Variants in CNTNAP4 observed in about 807,000 individuals in gnomAD.
CNTNAP4 encodes contactin associated protein family member 4, also known as contactin-associated protein-like 4.
CNTNAP4 carries 98 observed loss-of-function variants against 148.4 expected under a neutral mutation model. The observed-to-expected ratio is 0.66, with a 90% CI of 0.56 to 0.78. The LOEUF (loss-of-function observed/expected upper bound fraction) is 0.78. CNTNAP4 is among the 30% of genes least tolerant of loss of function. CNTNAP4 has a pLI of 0.00. For missense variants in CNTNAP4, 1,935 were observed against 1,565.6 expected (o/e 1.24, Z -3.98); for synonymous variants, 730 against 565.1 (o/e 1.29, Z -4.14).
intron 2 of CNTNAP4, among the ~76,000 whole-genome samples, chr16:76,318,770 A>T: frequency 7.2e-6 from 1 of 138,392 alleles, no homozygotes; most frequent in African/African-American, 2.9e-5. Flanking sequence ...CATAATAATA[A>T]TCATAATCAT....
At chr16:76,290,912 A>G (rs1959088039) in intron 1 of CNTNAP4, among the ~76,000 whole-genome samples, 1 of 152,180 alleles carries the variant, frequency 6.6e-6, no homozygotes. Flanking sequence ...CCTGACTTGC[A>G]GATGACCACC....
chr16:76,490,275 G>A (rs868756901), intron 13 of CNTNAP4, among the ~76,000 whole-genome samples: 1 of 152,170 alleles, frequency 6.6e-6, no homozygotes, highest in African/African-American at 2.4e-5. Flanking sequence ...TTCTGAAAGC[G>A]ATTATTCTAC....
rs867549297 is a variant in CNTNAP4 at position 76,375,521 on chromosome 16, G to A, written c.390+20010G>A. Among the ~76,000 whole-genome samples, 45 of 152,314 alleles carry A rather than the reference G, an allele frequency of 3.0e-4. No homozygotes were observed. In the Middle Eastern group the frequency reaches 0.014, roughly 46 times the overall value. On this transcript the variant is annotated intron_variant, in intron 3 of 23. Transcript: ENST00000611870. Reference sequence around the variant, plus strand: ...GGGTCTTTTGTCATGTAGGAAAGCTGTGCGACTTTTCACGTTCTAGCACAC... The same window carrying A: ...GGGTCTTTTGTCATGTAGGAAAGCTATGCGACTTTTCACGTTCTAGCACAC...
At chr16:76,320,165 G>C (rs1177743833) in intron 2 of CNTNAP4, among the ~76,000 whole-genome samples, 1 of 152,202 alleles carries the variant, frequency 6.6e-6, no homozygotes, top group African/African-American at 2.4e-5. Flanking sequence ...ATTGGACATA[G>C]GAGGGAAAGC....
chr16:76,516,395 A>G (rs756184208), intron 15 of CNTNAP4, among the ~76,000 whole-genome samples: 5 of 152,220 alleles, frequency 3.3e-5, no homozygotes, highest in African/African-American at 4.8e-5. Context: ...TAGTGCTGCA[A>G]TAAACATACA....
intron 3 of CNTNAP4, among the ~76,000 whole-genome samples, chr16:76,420,868 G>C (rs887267284): frequency 6.6e-6 from 1 of 151,554 alleles, no homozygotes; most frequent in East Asian, 1.9e-4. Flanking sequence ...CCAAAAGGAG[G>C]GTTCAGAATT....
At chr16:76,398,529 G>A (rs1231544654) in intron 3 of CNTNAP4, among the ~76,000 whole-genome samples, 2 of 152,070 alleles carry the variant, frequency 1.3e-5, no homozygotes, top group Non-Finnish European at 2.9e-5. Context: ...CTACATGCAC[G>A]TCCCTTTTAC....
chr16:76,548,095 A>C (rs1271017059), intron 21 of CNTNAP4, among the ~76,000 whole-genome samples: 1 of 152,230 alleles, frequency 6.6e-6, no homozygotes, highest in Non-Finnish European at 1.5e-5. Context: ...TTTCAAGTTT[A>C]TAACTCAGTA....
rs760807544 is a variant in CNTNAP4, at chr16:76,355,493, C to G, written c.372C>G (p.Arg124=). The G allele has an allele frequency of 2.5e-6, 4 of 1,607,440 alleles. No homozygotes were observed. Among genetic ancestry groups the G allele is most frequent in the Non-Finnish European group, 3.4e-6 (4 of 1,176,938 alleles). The change falls in exon 3 of 24, where the codon CGC becomes CGG. Residue 124 remains arginine, a synonymous_variant. Coordinates refer to ENST00000611870, the MANE Select transcript of CNTNAP4 (RefSeq NM_033401.5). The part of the protein sequence containing the change: ...SDSGWNWKQY[R]QEDSIWGFSG... Reference sequence around the variant, plus strand: ...GTGGCTGGAACTGGAAACAATATCGCCAAGAGGACAGCATCTGGGTATGTT... The same window carrying G: ...GTGGCTGGAACTGGAAACAATATCGGCAAGAGGACAGCATCTGGGTATGTT...
In CNTNAP4 at chr16:76,482,431, A is replaced by ATT. The variant is rs373576749; in HGVS notation, c.1882+2893_1882+2894insTT. ...AAAGATCATAAGCTCTGTTTTACAC[A>ATT]ATTTTTTTTTTTTTTTAGTTTGAGA... On this transcript the variant is annotated intron_variant, in intron 12 of 23. Coordinates refer to ENST00000611870, the MANE Select transcript of CNTNAP4 (RefSeq NM_033401.5). 5.6e-4 allele frequency among the ~76,000 whole-genome samples: 73 copies of ATT among 129,650 alleles called. 8 individuals carry two copies. Among genetic ancestry groups the ATT allele is most frequent in the Non-Finnish European group, 6.7e-4 (40 of 60,126 alleles). The allele number at this position is 129,650 out of a possible 152,430, so 85.1% of individuals were successfully genotyped here. A position where few individuals can be genotyped will look rare whatever the true frequency, so the allele number is the denominator to read the frequency against.
At chr16:76,469,532 T>C (rs559330303) in intron 10 of CNTNAP4, 5 of 152,374 alleles carry the variant, frequency 3.3e-5, no homozygotes, top group Admixed American at 2.6e-4. Context: ...GTAGTGCATG[T>C]TGATTATCTC....
chr16:76,467,227 T>A, intron 9 of CNTNAP4, 125 bp from the exon 10 acceptor site: 1 of 797,816 alleles, frequency 1.3e-6, no homozygotes, highest in East Asian at 2.7e-5. Flanking sequence ...ACTGCAGTCA[T>A]TATTCCCTCC....
intron 2 of CNTNAP4, among the ~76,000 whole-genome samples, chr16:76,347,028 G>A (rs549834169): frequency 6.6e-6 from 1 of 152,190 alleles, no homozygotes; most frequent in East Asian, 1.9e-4. Flanking sequence ...GAGTTGAAGT[G>A]AAAAAGCATC....
intron 3 of CNTNAP4, among the ~76,000 whole-genome samples, chr16:76,399,655 C>T (rs978003785): frequency 1.3e-5 from 2 of 152,030 alleles, no homozygotes; most frequent in South Asian, 2.1e-4. Context: ...TTTCCTTTTT[C>T]GTTTATAGTT....
Position 76,459,809 on chromosome 16 carries a change from C to G in CNTNAP4, c.1334-2147C>G, listed in dbSNP as rs553591030. Among the ~76,000 whole-genome samples the G allele has an allele frequency of 4.3e-4, 65 of 152,184 alleles. 1 individual carries two copies. The South Asian group carries it at 0.013, about 30-fold the overall frequency. ...GACTGGTAAATTCACGACAAAGACT[C>G]TTAGATTTCACCTCTGCTCAACATT... On this transcript the variant is annotated intron_variant, in intron 8 of 23. Transcript: ENST00000611870.
chr16:76,553,794 T>C, intron 22 of CNTNAP4, 42 bp from the exon 23 acceptor site: 1 of 1,281,520 alleles, frequency 7.8e-7, no homozygotes, highest in South Asian at 1.3e-5. Context: ...CTTCTTTTAC[T>C]TGCCTATATC....
chr16:76,299,704 A>G (rs1018590280), intron 1 of CNTNAP4, among the ~76,000 whole-genome samples: 5 of 152,238 alleles, frequency 3.3e-5, no homozygotes, highest in African/African-American at 7.2e-5. Context: ...AGGTATGTTT[A>G]TTGTGGCACT....
chr16:76,422,761 G>A (rs1043651743), intron 3 of CNTNAP4, among the ~76,000 whole-genome samples: 1 of 152,130 alleles, frequency 6.6e-6, no homozygotes, highest in South Asian at 2.1e-4. Flanking sequence ...ACTTCACAGA[G>A]TTGATGCAAA....
chr16:76,471,510 T>A (rs888708139), intron 10 of CNTNAP4, among the ~76,000 whole-genome samples: 4 of 151,926 alleles, frequency 2.6e-5, no homozygotes, highest in Non-Finnish European at 5.9e-5. Flanking sequence ...CCTCTGCACC[T>A]CCGTCACCTG....
Sources: allele counts gnomAD v4.1 joint callset (sites outside exome capture counted in the v4.1 genomes callset), GRCh38; gene constraint gnomAD v4.1.1; transcripts MANE v1.5; gene names NCBI Gene and HGNC (gene_info 2026-07-23, HGNC 2026-07-21).